Variants in TSPAN5 observed in about 807,000 individuals in gnomAD.
TSPAN5 encodes tetraspanin-5.
TSPAN5 carries 10 observed loss-of-function variants against 37.1 expected under a neutral mutation model. The observed-to-expected ratio is 0.27, with a 90% confidence interval of 0.17 to 0.46. The LOEUF (loss-of-function observed/expected upper bound fraction) is 0.46. TSPAN5 is among the 20% of genes least tolerant of loss of function. The pLI is 1.00. For synonymous variants in TSPAN5, 110 were observed against 118.9 expected, an observed-to-expected ratio of 0.93 and a Z score of 0.48; for missense variants, 195 against 326.6, an observed-to-expected ratio of 0.60 and a Z score of 3.11.
At chr4:98,485,818 C>T (rs1034349949) in intron 3 of TSPAN5, among the ~76,000 whole-genome samples, 1 of 129,762 alleles carries the variant, frequency 7.7e-6, no homozygotes, top group African/African-American at 2.9e-5. Flanking sequence ...GATGTGTCAA[C>T]AAAAGTTGGG....
chr4:98,589,155 T>G (rs1755565032), intron 1 of TSPAN5, among the ~76,000 whole-genome samples: 1 of 152,184 alleles, frequency 6.6e-6, no homozygotes, highest in African/African-American at 2.4e-5. Context: ...CCTAGATTAG[T>G]ACATGCTGGA....
rs571968394 is a variant in TSPAN5 at position 98,572,067 on chromosome 4, G to A, written c.82-64339C>T. 8.5e-5 allele frequency among the ~76,000 whole-genome samples: 13 copies of A among 152,186 alleles called. No individual in the cohort carries two copies. The East Asian group carries it at 1.5e-3, about 18-fold the overall frequency. ...TGGCTCACTGCAACCTCTGCCTCCC[G>A]GGTTCAAGTGATTCTCATGCCTCAG... On this transcript the variant is annotated intron_variant, in intron 1 of 7. Transcript: ENST00000305798.
At chr4:98,511,939 G>T (rs1224311509) in intron 1 of TSPAN5, among the ~76,000 whole-genome samples, 1 of 152,130 alleles carries the variant, frequency 6.6e-6, no homozygotes, top group African/African-American at 2.4e-5. Flanking sequence ...TTAAGGCCAG[G>T]TGCAGGGGTT....
At chr4:98,551,722 G>T (rs576720934) in intron 1 of TSPAN5, among the ~76,000 whole-genome samples, 3 of 148,942 alleles carry the variant, frequency 2.0e-5, no homozygotes, top group East Asian at 4.0e-4. Context: ...GGATAGTCTC[G>T]ATCTCCTGAC....
intron 1 of TSPAN5, among the ~76,000 whole-genome samples, chr4:98,544,801 G>T (rs112940726): frequency 2.0e-5 from 3 of 152,300 alleles, no homozygotes; most frequent in African/African-American, 7.2e-5. Flanking sequence ...TAAATTAAGA[G>T]TGGAAATGAG....
chr4:98,611,795 A>C (rs12509046), intron 1 of TSPAN5, among the ~76,000 whole-genome samples: 44,413 of 152,166 alleles, frequency 0.29, 6,680 homozygotes, highest in South Asian at 0.45. Context: ...GGAGTCAAGA[A>C]ATGGGCCTGG....
chr4:98,545,894 C>A (rs1205893530), intron 1 of TSPAN5, among the ~76,000 whole-genome samples: 1 of 152,122 alleles, frequency 6.6e-6, no homozygotes, highest in Admixed American at 6.6e-5. Context: ...TGTAATCCAA[C>A]TGGAGATACA....
intron 1 of TSPAN5, among the ~76,000 whole-genome samples, chr4:98,610,708 T>C (rs911566571): frequency 1.1e-4 from 16 of 152,168 alleles, no homozygotes; most frequent in African/African-American, 3.9e-4. Flanking sequence ...AGTAGGAATA[T>C]AAAATGCTCT....
At chr4:98,584,696 A>T (rs1159275840) in intron 1 of TSPAN5, among the ~76,000 whole-genome samples, 1 of 152,228 alleles carries the variant, frequency 6.6e-6, no homozygotes, top group Non-Finnish European at 1.5e-5. Context: ...ACTTGTTCTT[A>T]TCCCAAGTTT....
intron 2 of TSPAN5, among the ~76,000 whole-genome samples, chr4:98,501,729 A>G (rs375602012): frequency 1.9e-4 from 29 of 152,316 alleles, no homozygotes; most frequent in African/African-American, 7.0e-4. Flanking sequence ...GTGAGGAAGC[A>G]CACAGTATGA....
rs944974834 is a variant in TSPAN5, at chr4:98,564,621, AT to A, written c.82-56894del. On this transcript the variant is annotated intron_variant, in intron 1 of 7. Transcript: ENST00000305798. The stretch of plus-strand genomic sequence containing the variant: ...AAATGAGGGTAAATAACTTTCACAC[AT>A]TTTTTAAGGAGGCATCCGATTTAAC... 2.6e-5 allele frequency among the ~76,000 whole-genome samples: 4 copies of A among 152,138 alleles called. No homozygotes were observed. The East Asian group carries it at 7.7e-4, about 29-fold the overall frequency.
At chr4:98,573,304 C>T (rs891111696) in intron 1 of TSPAN5, among the ~76,000 whole-genome samples, 1 of 152,064 alleles carries the variant, frequency 6.6e-6, no homozygotes, top group Non-Finnish European at 1.5e-5. Context: ...GGTTTGACCT[C>T]GTAATATGAA....
chr4:98,495,507 G>T (rs1306142832), intron 2 of TSPAN5, among the ~76,000 whole-genome samples: 4 of 143,650 alleles, frequency 2.8e-5, no homozygotes, highest in African/African-American at 1.1e-4. Context: ...ACTACAGCCC[G>T]GGAGACAGAG....
intron 1 of TSPAN5, among the ~76,000 whole-genome samples, chr4:98,645,490 CCT>C (rs1757045731): frequency 6.6e-6 from 1 of 152,106 alleles, no homozygotes; most frequent in African/African-American, 2.4e-5. Context: ...ATCTTTGTCC[CCT>C]CTCACTCCTA....
chr4:98,538,580 G>A (rs1754289438), intron 1 of TSPAN5, among the ~76,000 whole-genome samples: 1 of 152,176 alleles, frequency 6.6e-6, no homozygotes, highest in African/African-American at 2.4e-5. Flanking sequence ...GAGCCATTTT[G>A]TGAAAACTAA....
At chr4:98,536,280 G>C (rs775188645) in intron 1 of TSPAN5, among the ~76,000 whole-genome samples, 1 of 152,104 alleles carries the variant, frequency 6.6e-6, no homozygotes, top group Non-Finnish European at 1.5e-5. Flanking sequence ...TTCTGCTGCC[G>C]GTCTGCTGGA....
intron 1 of TSPAN5, among the ~76,000 whole-genome samples, chr4:98,633,297 A>G (rs1288257230): frequency 6.6e-6 from 1 of 152,232 alleles, no homozygotes; most frequent in African/African-American, 2.4e-5. Context: ...AAACTACGCT[A>G]CAACAGTTTT....
At chr4:98,502,310 G>T (rs1252312295) in intron 2 of TSPAN5, among the ~76,000 whole-genome samples, 1 of 152,136 alleles carries the variant, frequency 6.6e-6, no homozygotes, top group Admixed American at 6.6e-5. Flanking sequence ...GGCATGTAAA[G>T]CCCCAAGTCT....
chr4:98,629,524 G>A (rs1756695908), intron 1 of TSPAN5, among the ~76,000 whole-genome samples: 1 of 152,186 alleles, frequency 6.6e-6, no homozygotes, highest in Non-Finnish European at 1.5e-5. Context: ...CTGGTTTGCA[G>A]AATGAAGCAG....
Sources: gnomAD v4.1 joint callset for allele counts (sites outside exome capture counted in the v4.1 genomes callset) on GRCh38, gnomAD v4.1.1 for gene constraint, MANE v1.5 for transcripts, NCBI Gene and HGNC (gene_info 2026-07-23, HGNC 2026-07-21) for gene names.